The following THRAP3 variants were observed in gnomAD, a reference collection of about 807,000 sequenced individuals.
THRAP3 encodes the protein thyroid hormone receptor-associated protein 3.
THRAP3 carries 16 observed loss-of-function variants against 101.0 expected under a neutral mutation model. That is an observed-to-expected ratio of 0.16 (90% CI 0.11 to 0.24). THRAP3 has a LOEUF of 0.24. THRAP3 is among the 10% of genes least tolerant of loss of function. THRAP3 has a pLI of 1.00. For synonymous variants in THRAP3, 407 were observed against 422.6 expected (o/e 0.96, Z 0.45); for missense variants, 989 against 1,202.7 (o/e 0.82, Z 2.63).
the THRAP3 span, among the ~76,000 whole-genome samples, chr1:36,216,644 A>G: frequency 6.6e-6 from 1 of 151,866 alleles, no homozygotes; most frequent in African/African-American, 2.4e-5. Flanking sequence ...AAAATAGCTG[A>G]GCATGGTGGT....
chr1:36,228,001 A>G (rs1017859754), intron 1 of THRAP3, among the ~76,000 whole-genome samples: 2 of 150,338 alleles, frequency 1.3e-5, no homozygotes, highest in East Asian at 3.9e-4. Flanking sequence ...TCAGCCTCCC[A>G]AGTAGCTGGG....
chr1:36,280,023 G>A (rs1645711561), intron 2 of THRAP3, among the ~76,000 whole-genome samples: 1 of 152,118 alleles, frequency 6.6e-6, no homozygotes, highest in Admixed American at 6.6e-5. Context: ...GGTGGCTCAC[G>A]CATGTAATCC....
At chr1:36,275,042 G>A (rs1220152347) in intron 2 of THRAP3, among the ~76,000 whole-genome samples, 2 of 150,784 alleles carry the variant, frequency 1.3e-5, no homozygotes, top group African/African-American at 4.9e-5. Flanking sequence ...GGGAGGCTGG[G>A]GCAGGGGGAT....
chr1:36,214,058 GAAAGAAAGAC>G, the THRAP3 span, among the ~76,000 whole-genome samples: 3 of 133,230 alleles, frequency 2.3e-5, no homozygotes, highest in Non-Finnish European at 5.0e-5. Context: ...AAGAAAGAAA[GAAAGAAAGAC>G]AACTCCTAAC....
intron 2 of THRAP3, among the ~76,000 whole-genome samples, chr1:36,274,877 C>T (rs1470244922): frequency 4.6e-5 from 7 of 151,146 alleles, no homozygotes; most frequent in African/African-American, 9.7e-5. Flanking sequence ...GTGATCCACC[C>T]GCCTTGGCCT....
chr1:36,296,049 C>T (rs1645947098), intron 8 of THRAP3, among the ~76,000 whole-genome samples: 1 of 143,150 alleles, frequency 7.0e-6, no homozygotes, highest in South Asian at 2.2e-4. Flanking sequence ...TCTCAGCTCA[C>T]TGCAACCTCC....
At chr1:36,218,670 C>T in the THRAP3 span, among the ~76,000 whole-genome samples, 1 of 137,956 alleles carries the variant, frequency 7.2e-6, no homozygotes, top group Non-Finnish European at 1.6e-5. Context: ...TGCAGTGAGC[C>T]GAGATTGTGC....
intron 1 of THRAP3, among the ~76,000 whole-genome samples, chr1:36,225,693 C>T (rs2124316559): frequency 6.6e-6 from 1 of 152,216 alleles, no homozygotes; most frequent in South Asian, 2.1e-4. Flanking sequence ...TAATTCTAGA[C>T]AGTCTGACGT....
chr1:36,304,365 T>C lies in THRAP3; in HGVS notation c.*348T>C, dbSNP rs1646069539. 4.0e-6 allele frequency: 1 copy of C among 248,932 alleles called. No homozygotes were observed. Among genetic ancestry groups the C allele is most frequent in the Non-Finnish European group, 7.8e-6 (1 of 128,832 alleles). The allele number at this position is 248,932 out of a possible 1,614,324, so 15.4% of individuals were successfully genotyped here. A position where few individuals can be genotyped will look rare whatever the true frequency, so the allele number is the denominator to read the frequency against. On this transcript the variant is annotated 3_prime_UTR_variant, in exon 12 of 12. Coordinates refer to ENST00000354618, the MANE Select transcript of THRAP3 (RefSeq NM_005119.4). ...TTAGAAACCAACAGTTTTGTTCTAATTTCATTTCATTTGGAGCTAAGATGA... is the reference window on the plus strand; with the variant it reads ...TTAGAAACCAACAGTTTTGTTCTAACTTCATTTCATTTGGAGCTAAGATGA...
At position 36,276,219 on chromosome 1, in the gene THRAP3, A is replaced by G. The variant is rs1182031736; in HGVS notation, c.-31-6314A>G. On this transcript the variant is annotated intron_variant, in intron 2 of 11. Transcript: ENST00000354618. ...AAGAAAAACAGAGTTCAGCAGAGTA[A>G]AAAAAAAAAAAAAATGTGCTTCAAG... 2.2e-4 allele frequency among the ~76,000 whole-genome samples: 31 copies of G among 138,874 alleles called. No homozygotes were observed. The East Asian group carries it at 7.3e-3, about 33-fold the overall frequency. 91.1% of individuals were successfully genotyped at this position (138,874 alleles called of 152,430 possible).
At position 36,253,496 on chromosome 1, in the gene THRAP3, A is replaced by G. The variant is rs1224610428; in HGVS notation, c.-134-5886A>G. Among the ~76,000 whole-genome samples, 6 of 152,320 alleles carry G rather than the reference A, an allele frequency of 3.9e-5. No individual in the cohort carries two copies. The East Asian group carries it at 9.6e-4, about 24-fold the overall frequency. On this transcript the variant is annotated intron_variant, in intron 1 of 11. Transcript: ENST00000354618. ...ACTTTTGACAGTATGAGAAGTGAAT[A>G]AAGTAATTTGACATTTCTTGAAATT...
At chr1:36,213,176 C>T in the THRAP3 span, among the ~76,000 whole-genome samples, 1 of 152,118 alleles carries the variant, frequency 6.6e-6, no homozygotes, top group Non-Finnish European at 1.5e-5. Flanking sequence ...CATGCAGGGC[C>T]TTGTAGATTA....
At chr1:36,262,955 G>T in intron 2 of THRAP3, among the ~76,000 whole-genome samples, 1 of 135,148 alleles carries the variant, frequency 7.4e-6, no homozygotes, top group East Asian at 2.0e-4. Flanking sequence ...ACCAGGGCCG[G>T]CTAATTTTTT....
chr1:36,292,470 C>G (rs1645888361), intron 6 of THRAP3, 128 bp from the exon 7 acceptor site: 2 of 599,012 alleles, frequency 3.3e-6, no homozygotes, highest in African/African-American at 1.9e-5. Context: ...CGGGGTTTCA[C>G]CGTGTTAGCC....
chr1:36,273,658 G>A (rs1645618400), intron 2 of THRAP3, among the ~76,000 whole-genome samples: 1 of 152,248 alleles, frequency 6.6e-6, no homozygotes, highest in East Asian at 1.9e-4. Context: ...TGCAGATGGT[G>A]TAATCTTAAA....
intron 2 of THRAP3, among the ~76,000 whole-genome samples, chr1:36,262,803 AT>A (rs1299031876): frequency 6.7e-6 from 1 of 149,348 alleles, no homozygotes. Flanking sequence ...TATTATTATT[AT>A]TTTTTTTGAG....
chr1:36,296,907 A>C (rs762913339), intron 9 of THRAP3, 137 bp downstream of exon 9: 1 of 611,060 alleles, frequency 1.6e-6, no homozygotes, highest in Admixed American at 3.9e-5. Flanking sequence ...TAATCCATGT[A>C]AATGTCAGGT....
intron 1 of THRAP3, among the ~76,000 whole-genome samples, chr1:36,238,459 TA>T (rs1173711679): frequency 6.6e-6 from 1 of 152,180 alleles, no homozygotes; most frequent in Non-Finnish European, 1.5e-5. Context: ...ATTATTTTTT[TA>T]GGGGTAGACT....
intron 1 of THRAP3, among the ~76,000 whole-genome samples, chr1:36,247,973 A>G (rs1335247152): frequency 6.9e-6 from 1 of 145,680 alleles, no homozygotes; most frequent in African/African-American, 2.6e-5. Context: ...TCCACCTCCC[A>G]GGTTCAAGCG....
Sources: gnomAD v4.1 joint callset for allele counts (sites outside exome capture counted in the v4.1 genomes callset) on GRCh38, gnomAD v4.1.1 for gene constraint, MANE v1.5 for transcripts, NCBI Gene and HGNC (gene_info 2026-07-23, HGNC 2026-07-21) for gene names.